The following AQR variants were observed in gnomAD, a reference collection of about 807,000 sequenced individuals.
The protein encoded by AQR is RNA helicase aquarius.
AQR carries 61 observed loss-of-function variants against 180.5 expected under a neutral mutation model. The observed-to-expected ratio is 0.34, with a 90% CI of 0.28 to 0.42. The LOEUF (loss-of-function observed/expected upper bound fraction) is 0.42. AQR is among the 10% of genes least tolerant of loss of function. AQR has a pLI of 1.00. For synonymous variants in AQR, 551 were observed against 588.8 expected, an observed-to-expected ratio of 0.94 and a Z score of 0.93; for missense variants, 1,281 against 1,798.3, an observed-to-expected ratio of 0.71 and a Z score of 5.20.
intron 8 of AQR, among the ~76,000 whole-genome samples, chr15:34,939,418 C>A (rs150465918): frequency 4.6e-5 from 7 of 151,964 alleles, no homozygotes; most frequent in African/African-American, 1.7e-4. Context: ...CAAGTCAGAC[C>A]GAGAAAGAAG....
intron 13 of AQR, among the ~76,000 whole-genome samples, chr15:34,920,846 T>C (rs945717979): frequency 2.0e-5 from 3 of 152,028 alleles, no homozygotes; most frequent in Non-Finnish European, 4.4e-5. Context: ...TAGTCCCAGC[T>C]ACTCGGGAGG....
At chr15:34,920,196 C>G (rs1265305164) in intron 14 of AQR, 136 bp downstream of exon 14, 1 of 608,470 alleles carries the variant, frequency 1.6e-6, no homozygotes, top group Non-Finnish European at 2.8e-6. Flanking sequence ...AATGATAATA[C>G]AATTCCAAAA....
At chr15:34,959,518 T>C (rs1894384072) in intron 3 of AQR, among the ~76,000 whole-genome samples, 2 of 152,112 alleles carry the variant, frequency 1.3e-5, no homozygotes, top group South Asian at 2.1e-4. Context: ...GCCTATTCCA[T>C]ATCTCCATCT....
intron 3 of AQR, 90 bp downstream of exon 3, chr15:34,960,684 G>C: frequency 1.7e-6 from 1 of 595,568 alleles, no homozygotes; most frequent in Non-Finnish European, 2.9e-6. Context: ...ACAGAAAAAG[G>C]GTTCAAGTTA....
At chr15:34,963,757 A>G (rs1216575279) in intron 2 of AQR, among the ~76,000 whole-genome samples, 1 of 150,316 alleles carries the variant, frequency 6.7e-6, no homozygotes, top group Non-Finnish European at 1.5e-5. Flanking sequence ...TCCGCCTCCC[A>G]GGTTCACGCC....
chr15:34,901,522 C>T (rs1893331806), intron 19 of AQR, among the ~76,000 whole-genome samples: 1 of 152,126 alleles, frequency 6.6e-6, no homozygotes, highest in African/African-American at 2.4e-5. Context: ...AAGGGAAATT[C>T]TTAGACTTTC....
chr15:34,914,149 C>T (rs900441122), intron 16 of AQR, among the ~76,000 whole-genome samples: 5 of 152,132 alleles, frequency 3.3e-5, no homozygotes, highest in African/African-American at 1.2e-4. Flanking sequence ...ACATGGTGTC[C>T]TATTATATAA....
rs1459267838 is a variant in AQR, at chr15:34,856,993, GGGTAT to G, written c.4252_4256del (p.Ile1418GlnfsTer17). 6.2e-7 allele frequency: 1 copy of G among 1,614,122 alleles called. No homozygotes were observed. Among genetic ancestry groups the G allele is most frequent in the Non-Finnish European group, 8.5e-7 (1 of 1,180,012 alleles). On this transcript the variant is annotated frameshift_variant, in exon 35 of 35. Coordinates refer to ENST00000156471, the MANE Select transcript of AQR (RefSeq NM_014691.3). LOFTEE classifies it low-confidence loss of function (END_TRUNC). Reference sequence around the variant, plus strand: ...GACGGCAGCTGGTGTCTGTTGGACTGGGTATGATGTCAGCTTGAACAGTCATGGCC... The same window carrying G: ...GACGGCAGCTGGTGTCTGTTGGACTGGATGTCAGCTTGAACAGTCATGGCC...
intron 15 of AQR, 57 bp from the exon 16 acceptor site, chr15:34,915,236 T>C: frequency 7.0e-7 from 1 of 1,437,880 alleles, no homozygotes; most frequent in Non-Finnish European, 9.2e-7. Flanking sequence ...AGACGGAGTC[T>C]CACTCTGTCA....
At chr15:34,864,958 TA>T (rs11308658) in intron 32 of AQR, among the ~76,000 whole-genome samples, 2,060 of 152,300 alleles carry the variant, frequency 0.014, 48 homozygotes, top group African/African-American at 0.047. Context: ...TACTAAATAT[TA>T]AGAATCTAGC....
chr15:34,897,171 T>C (rs774988905), intron 21 of AQR, among the ~76,000 whole-genome samples: 2 of 152,196 alleles, frequency 1.3e-5, no homozygotes, highest in Non-Finnish European at 1.5e-5. Flanking sequence ...ACTTAGCCCA[T>C]CCCAGACCTC....
intron 15 of AQR, among the ~76,000 whole-genome samples, chr15:34,915,870 C>T (rs1009502299): frequency 1.3e-5 from 2 of 151,640 alleles, no homozygotes; most frequent in East Asian, 2.0e-4. Context: ...CACTTGAACC[C>T]GGGAGGCAGA....
intron 2 of AQR, among the ~76,000 whole-genome samples, chr15:34,963,783 C>G (rs961991083): frequency 6.6e-6 from 1 of 150,904 alleles, no homozygotes; most frequent in East Asian, 1.9e-4. Context: ...CCTGCCTCAG[C>G]CTCCCGAGTA....
At chr15:34,924,566 G>C (rs1893729124) in intron 13 of AQR, among the ~76,000 whole-genome samples, 1 of 151,852 alleles carries the variant, frequency 6.6e-6, no homozygotes, top group Non-Finnish European at 1.5e-5. Context: ...CAAGTAGCTG[G>C]GATTACAGGC....
rs1894160953 is a variant in AQR, at chr15:34,948,373, T to C, written c.221A>G (p.Glu74Gly). 2 of 1,612,602 alleles carry C rather than the reference T, an allele frequency of 1.2e-6. No homozygotes were observed. Among genetic ancestry groups the C allele is most frequent in the Non-Finnish European group, 1.7e-6 (2 of 1,179,888 alleles). Residue 74 changes from glutamate (E) to glycine (G), a missense_variant, in exon 5 of 35, where the codon GAA becomes GGA. Coordinates refer to ENST00000156471, the MANE Select transcript of AQR (RefSeq NM_014691.3). ...AGAATAATTCATCCAGAGATAATTT[T>C]CAAGATACTGGCTGTAAAGAGTAAA... ...IMLLEFSQYL[E>G]NYLWMNYSPE...
At chr15:34,912,847 C>T (rs1893520915) in intron 16 of AQR, among the ~76,000 whole-genome samples, 1 of 152,092 alleles carries the variant, frequency 6.6e-6, no homozygotes, top group African/African-American at 2.4e-5. Flanking sequence ...AAACTGCCTC[C>T]TATGTAAAGA....
At position 34,893,786 on chromosome 15, in the gene AQR, T is replaced by C. The variant is rs1413373355; in HGVS notation, c.2461-13A>G. Reference sequence around the variant, plus strand: ...GTGGGCCCACAACCTAAAAAGAAGATGAACACATAGCAAACTACTAAGTCA... The same window carrying C: ...GTGGGCCCACAACCTAAAAAGAAGACGAACACATAGCAAACTACTAAGTCA... On this transcript the variant is annotated splice_polypyrimidine_tract_variant and intron_variant, in intron 22 of 34. Coordinates refer to ENST00000156471, the MANE Select transcript of AQR (RefSeq NM_014691.3). 2 of 1,607,852 alleles carry C rather than the reference T, an allele frequency of 1.2e-6. No homozygotes were observed. The highest frequency in any genetic ancestry group is 2.2e-5 in the East Asian group (1 of 44,846).
At chr15:34,878,815 G>T (rs1049039859) in intron 27 of AQR, among the ~76,000 whole-genome samples, 3 of 152,136 alleles carry the variant, frequency 2.0e-5, no homozygotes, top group African/African-American at 7.2e-5. Flanking sequence ...ATCACTTGAG[G>T]TCAGGAGTTT....
At chr15:34,867,231 A>G (rs1417016663) in intron 32 of AQR, among the ~76,000 whole-genome samples, 1 of 152,136 alleles carries the variant, frequency 6.6e-6, no homozygotes, top group Non-Finnish European at 1.5e-5. Context: ...AATTTCTGAT[A>G]TTAAGTTTCT....
Sources: allele counts gnomAD v4.1 joint callset (sites outside exome capture counted in the v4.1 genomes callset), GRCh38; gene constraint gnomAD v4.1.1; transcripts MANE v1.5; gene names NCBI Gene and HGNC (gene_info 2026-07-23, HGNC 2026-07-21).